The following GRM7 variants were observed in gnomAD, a reference collection of about 807,000 sequenced individuals.
GRM7 encodes the protein metabotropic glutamate receptor 7.
Under a neutral mutation model 84.5 loss-of-function variants are expected in GRM7, and 35 were observed. That is an observed-to-expected ratio of 0.41 (90% confidence interval 0.32 to 0.55). The LOEUF (loss-of-function observed/expected upper bound fraction) is 0.55, where lower values mean the gene tolerates loss of function less well. Ranked by LOEUF, GRM7 falls within the 20% of genes least tolerant of loss-of-function variation. The pLI is 0.19. For synonymous variants in GRM7, 487 were observed against 455.1 expected, an observed-to-expected ratio of 1.07 and a Z score of -0.89; for missense variants, 1,003 against 1,194.6, an observed-to-expected ratio of 0.84 and a Z score of 2.36.
At chr3:7,649,074 CTTTTT>C (rs1229655377) in intron 8 of GRM7, among the ~76,000 whole-genome samples, 1 of 146,112 alleles carries the variant, frequency 6.8e-6, no homozygotes, top group Non-Finnish European at 1.5e-5. Context: ...TTCAGATTTT[CTTTTT>C]TTTTTTTTGA....
intron 8 of GRM7, among the ~76,000 whole-genome samples, chr3:7,608,496 A>T (rs1292995434): frequency 6.6e-6 from 1 of 151,836 alleles, no homozygotes; most frequent in Non-Finnish European, 1.5e-5. Flanking sequence ...GCTTTTTTTC[A>T]TATGCTTGTT....
chr3:7,381,832 G>C (rs565805631), intron 4 of GRM7, among the ~76,000 whole-genome samples: 87 of 152,260 alleles, frequency 5.7e-4, no homozygotes, highest in South Asian at 1.0e-3. Context: ...AATAATGGGA[G>C]AATCAATCAT....
chr3:7,639,456 C>A (rs1698263378), intron 8 of GRM7, among the ~76,000 whole-genome samples: 1 of 152,168 alleles, frequency 6.6e-6, no homozygotes, highest in Non-Finnish European at 1.5e-5. Flanking sequence ...CCTGAAAGTG[C>A]AAGGCTTACA....
intron 6 of GRM7, among the ~76,000 whole-genome samples, chr3:7,456,341 C>G (rs770741688): frequency 3.3e-5 from 5 of 151,768 alleles, no homozygotes; most frequent in Non-Finnish European, 7.4e-5. Context: ...ATCCATAGGG[C>G]TTATGTTTAT....
intron 7 of GRM7, among the ~76,000 whole-genome samples, chr3:7,522,866 C>G (rs1280645520): frequency 6.6e-6 from 1 of 151,848 alleles, no homozygotes; most frequent in Non-Finnish European, 1.5e-5. Context: ...AAGCTGTGCC[C>G]CTTATGATGG....
intron 1 of GRM7, among the ~76,000 whole-genome samples, chr3:7,103,500 C>G (rs1157906990): frequency 6.6e-6 from 1 of 151,768 alleles, no homozygotes; most frequent in East Asian, 1.9e-4. Context: ...TTTGAGATTG[C>G]CAAAATAAAA....
At chr3:7,737,547 C>T (rs939465461) in intron 9 of GRM7, among the ~76,000 whole-genome samples, 9 of 152,132 alleles carry the variant, frequency 5.9e-5, no homozygotes, top group African/African-American at 2.2e-4. Flanking sequence ...TTATCAGACA[C>T]CACAGGCACT....
At chr3:7,258,428 A>C (rs1184514335) in intron 2 of GRM7, among the ~76,000 whole-genome samples, 1 of 152,166 alleles carries the variant, frequency 6.6e-6, no homozygotes, top group East Asian at 1.9e-4. Context: ...GAAAACATAT[A>C]GGCTACAAGA....
At chr3:7,682,112 G>C (rs1271925445) in intron 9 of GRM7, 1 of 152,048 alleles carries the variant, frequency 6.6e-6, no homozygotes, top group Non-Finnish European at 1.5e-5. Context: ...GAGGTGGGCG[G>C]ATCACCTGAG....
intron 4 of GRM7, among the ~76,000 whole-genome samples, chr3:7,386,783 C>G (rs919727587): frequency 1.3e-5 from 2 of 152,036 alleles, no homozygotes; most frequent in Non-Finnish European, 2.9e-5. Flanking sequence ...GGGCATACAC[C>G]CAGTAATTGG....
At chr3:7,083,519 G>A (rs111539199) in intron 1 of GRM7, among the ~76,000 whole-genome samples, 2,669 of 152,162 alleles carry the variant, frequency 0.018, 61 homozygotes, top group African/African-American at 0.061. Context: ...ATGCCATATA[G>A]TAATTATCTA....
chr3:7,106,872 G>A (rs1449030224), intron 1 of GRM7, among the ~76,000 whole-genome samples: 1 of 152,006 alleles, frequency 6.6e-6, no homozygotes. Context: ...AGTTTTGCCT[G>A]CCCAAGATAA....
chr3:7,253,511 G>A (rs576115865), intron 2 of GRM7, among the ~76,000 whole-genome samples: 1 of 151,840 alleles, frequency 6.6e-6, no homozygotes, highest in East Asian at 2.0e-4. Flanking sequence ...TAGCTGCTGG[G>A]GAGGCTGAGG....
intron 8 of GRM7, among the ~76,000 whole-genome samples, chr3:7,665,610 C>A (rs984431500): frequency 6.6e-6 from 1 of 152,158 alleles, no homozygotes; most frequent in African/African-American, 2.4e-5. Context: ...TTTCCAAGTA[C>A]TGGCAATTAA....
chr3:7,443,641 A>T lies in GRM7; in HGVS notation c.1175-8966A>T, dbSNP rs565480936. 3.3e-5 allele frequency among the ~76,000 whole-genome samples: 5 copies of T among 152,188 alleles called. No homozygotes were observed. In the South Asian group the frequency reaches 1.0e-3, roughly 32 times the overall value. On this transcript the variant is annotated intron_variant, in intron 5 of 9. Coordinates refer to ENST00000357716, the MANE Select transcript of GRM7 (RefSeq NM_000844.4). ...AATTAATACATAGATCCAGAGCTTG[A>T]TCAGGTTTATGTCTCTCTCTCTCTT...
intron 1 of GRM7, among the ~76,000 whole-genome samples, chr3:7,092,166 TA>T (rs1486926155): frequency 3.3e-5 from 5 of 152,178 alleles, no homozygotes; most frequent in South Asian, 2.1e-4. Flanking sequence ...TCACCATTTT[TA>T]AAGTTTCTTT....
intron 1 of GRM7, among the ~76,000 whole-genome samples, chr3:6,967,741 C>T (rs780161835): frequency 6.6e-6 from 1 of 152,050 alleles, no homozygotes; most frequent in South Asian, 2.1e-4. Flanking sequence ...AAATGCTGAA[C>T]CTCAGTGCTT....
intron 7 of GRM7, among the ~76,000 whole-genome samples, chr3:7,556,562 T>C (rs1359273925): frequency 6.6e-6 from 1 of 152,166 alleles, no homozygotes; most frequent in Non-Finnish European, 1.5e-5. Context: ...CTGATACTTA[T>C]TAGTTGTCTG....
At chr3:7,159,231 C>T (rs1342817024) in intron 2 of GRM7, among the ~76,000 whole-genome samples, 1 of 152,008 alleles carries the variant, frequency 6.6e-6, no homozygotes, top group East Asian at 1.9e-4. Context: ...TGAGTATTTT[C>T]CCCCTAAATT....
Sources: gnomAD v4.1 joint callset for allele counts (sites outside exome capture counted in the v4.1 genomes callset) on GRCh38, gnomAD v4.1.1 for gene constraint, MANE v1.5 for transcripts, NCBI Gene and HGNC (gene_info 2026-07-23, HGNC 2026-07-21) for gene names.